EPB41L1: variants seen among roughly 807,000 people sequenced by gnomAD.
The protein encoded by EPB41L1 is erythrocyte membrane protein band 4.1 like 1.
A neutral mutation model predicts 97.8 loss-of-function variants in EPB41L1; 29 were observed. The ratio of observed to expected loss-of-function variants is 0.30; its 90% confidence interval spans 0.22 to 0.40. The LOEUF (loss-of-function observed/expected upper bound fraction) is 0.40, where lower values mean the gene tolerates loss of function less well. Among genes scored for constraint, EPB41L1 ranks in the 10% least tolerant of loss-of-function variants. The pLI is 1.00. For synonymous variants in EPB41L1, 383 were observed against 459.2 expected, an observed-to-expected ratio of 0.83 and a Z score of 2.12; for missense variants, 812 against 1,162.3, an observed-to-expected ratio of 0.70 and a Z score of 4.38.
intron 1 of EPB41L1, among the ~76,000 whole-genome samples, chr20:36,112,030 C>T: frequency 6.6e-6 from 1 of 152,132 alleles, no homozygotes. Context: ...CTGTCCACCT[C>T]TTTCTGTCTC....
chr20:36,105,269 C>T (rs1269753371), intron 1 of EPB41L1, among the ~76,000 whole-genome samples: 1 of 152,130 alleles, frequency 6.6e-6, no homozygotes, highest in African/African-American at 2.4e-5. Context: ...GAAACCAGGG[C>T]TTCCAAGGTC....
At chr20:36,148,038 A>G (rs771006197) in intron 2 of EPB41L1, among the ~76,000 whole-genome samples, 27 of 152,134 alleles carry the variant, frequency 1.8e-4, no homozygotes, top group Non-Finnish European at 1.5e-5. Context: ...GGCAGAACTC[A>G]GCCTCAGGAG....
intron 1 of EPB41L1, among the ~76,000 whole-genome samples, chr20:36,170,242 G>GA (rs2060931650): frequency 6.6e-6 from 1 of 151,926 alleles, no homozygotes; most frequent in Non-Finnish European, 1.5e-5. Flanking sequence ...ATGTGCCTCA[G>GA]AAAAATTTCT....
intron 19 of EPB41L1, among the ~76,000 whole-genome samples, chr20:36,221,576 A>G (rs1051815842): frequency 7.9e-5 from 12 of 152,206 alleles, no homozygotes; most frequent in African/African-American, 2.9e-4. Context: ...AGGCAGTACC[A>G]AGGCAGGAAG....
chr20:36,145,032 G>A (rs2059781460), intron 2 of EPB41L1, among the ~76,000 whole-genome samples: 1 of 152,126 alleles, frequency 6.6e-6, no homozygotes, highest in Non-Finnish European at 1.5e-5. Context: ...AAACTCCAGT[G>A]TGCGTTAGAA....
chr20:36,224,449 A>C (rs1747172530), intron 21 of EPB41L1, among the ~76,000 whole-genome samples: 1 of 152,128 alleles, frequency 6.6e-6, no homozygotes, highest in Non-Finnish European at 1.5e-5. Context: ...GGAGTTTGAG[A>C]TCAGCCTGAC....
In EPB41L1 at chr20:36,179,583, G is replaced by T. The variant is rs887370154; in HGVS notation, c.490+911G>T. 9.8e-5 allele frequency among the ~76,000 whole-genome samples: 15 copies of T among 152,364 alleles called. 1 individual carries two copies. Among genetic ancestry groups the T allele is most frequent in the Admixed American group, 7.8e-4 (12 of 15,302 alleles). ...TGGGGCAGCTCCCAAATGGCAGAAG[G>T]GGGTGGTAGGTGGCCTCAGCAAGGC... On this transcript the variant is annotated intron_variant, in intron 5 of 21. Coordinates refer to ENST00000338074, the MANE Select transcript of EPB41L1 (RefSeq NM_012156.2).
At chr20:36,189,488 G>C (rs751595522) in intron 9 of EPB41L1, among the ~76,000 whole-genome samples, 6 of 152,084 alleles carry the variant, frequency 3.9e-5, no homozygotes, top group Non-Finnish European at 8.8e-5. Context: ...TGAATAAGTC[G>C]AGCTCTTTCC....
intron 1 of EPB41L1, chr20:36,155,360 T>C (rs1181099161): frequency 2.8e-6 from 1 of 361,412 alleles, no homozygotes; most frequent in Non-Finnish European, 5.5e-6. Context: ...TTGCCTCCCC[T>C]TCCGTCTCCC....
chr20:36,204,708 C>G (rs1341126407), intron 14 of EPB41L1, among the ~76,000 whole-genome samples: 1 of 151,316 alleles, frequency 6.6e-6, no homozygotes, highest in East Asian at 1.9e-4. Flanking sequence ...GTGGCACAGT[C>G]TCGGCTCACT....
intron 1 of EPB41L1, among the ~76,000 whole-genome samples, chr20:36,162,740 C>A (rs1376055093): frequency 6.6e-6 from 1 of 152,236 alleles, no homozygotes; most frequent in Non-Finnish European, 1.5e-5. Context: ...CAGCCTGAGG[C>A]TCCCTAGTGG....
chr20:36,144,450 C>A (rs1474976), intron 2 of EPB41L1, among the ~76,000 whole-genome samples: 141,475 of 152,182 alleles, frequency 0.93, 65,914 homozygotes, highest in East Asian at 1. Context: ...GCAGCTGAGC[C>A]CTCACCTCCA....
intron 2 of EPB41L1, among the ~76,000 whole-genome samples, chr20:36,143,629 C>G (rs1203738538): frequency 6.6e-6 from 1 of 152,104 alleles, no homozygotes; most frequent in African/African-American, 2.4e-5. Context: ...GATTATCTAT[C>G]TATCACTCAG....
intron 2 of EPB41L1, among the ~76,000 whole-genome samples, chr20:36,131,132 C>A (rs1363567759): frequency 1.3e-5 from 2 of 152,210 alleles, no homozygotes; most frequent in African/African-American, 4.8e-5. Context: ...TGTGCCACCA[C>A]GCCCAGCTAA....
chr20:36,105,711 C>T (rs144239404), intron 1 of EPB41L1, among the ~76,000 whole-genome samples: 14 of 152,288 alleles, frequency 9.2e-5, no homozygotes, highest in African/African-American at 3.4e-4. Context: ...GCCTCTATCC[C>T]CTTGCAAATG....
Position 36,221,875 on chromosome 20 carries a change from A to C in EPB41L1, c.2451A>C (p.Gly817=). Residue 817 remains glycine, a synonymous_variant, in exon 20 of 22, where the codon GGA becomes GGC. Coordinates refer to ENST00000338074, the MANE Select transcript of EPB41L1 (RefSeq NM_012156.2). Reference sequence around the variant, plus strand: ...CTCTCCCTCTGCAGACTGTGAAAGGAGGGTTTTCTGAGACAAGGATCGAGA... The same window carrying C: ...CTCTCCCTCTGCAGACTGTGAAAGGCGGGTTTTCTGAGACAAGGATCGAGA... ...TTTHVTKTVK[G]GFSETRIEKR... is the part of the protein sequence containing the mutation. 1.9e-6 allele frequency: 3 copies of C among 1,614,142 alleles called. No individual in the cohort carries two copies. Among genetic ancestry groups the C allele is most frequent in the Admixed American group, 1.7e-5 (1 of 60,022 alleles).
chr20:36,106,706 C>A (rs1169808637), intron 1 of EPB41L1, among the ~76,000 whole-genome samples: 1 of 152,230 alleles, frequency 6.6e-6, no homozygotes, highest in African/African-American at 2.4e-5. Context: ...TGGGCTAGGG[C>A]CAAGGAGGTC....
intron 14 of EPB41L1, 24 bp downstream of exon 14, chr20:36,198,065 G>C: frequency 6.2e-7 from 1 of 1,606,350 alleles, no homozygotes; most frequent in Non-Finnish European, 8.5e-7. Context: ...TGAACCCCTC[G>C]ATAGGGGCCT....
intron 2 of EPB41L1, among the ~76,000 whole-genome samples, chr20:36,114,355 AGGGCTCTAG>A (rs1241483489): frequency 3.8e-4 from 58 of 152,246 alleles, no homozygotes; most frequent in African/African-American, 1.4e-3. Context: ...GCAAATTCCC[AGGGCTCTAG>A]GAAGCAGGGT....
Sources: gnomAD v4.1 joint callset for allele counts (sites outside exome capture counted in the v4.1 genomes callset) on GRCh38, gnomAD v4.1.1 for gene constraint, MANE v1.5 for transcripts, NCBI Gene and HGNC (gene_info 2026-07-23, HGNC 2026-07-21) for gene names.